Variants in PPFIA4 observed in about 807,000 individuals in gnomAD.
The protein encoded by PPFIA4 is liprin-alpha-4.
In PPFIA4, 98 loss-of-function variants were observed where a neutral mutation model predicts 145.7. That is an observed-to-expected ratio of 0.67 (90% CI 0.57 to 0.80). PPFIA4 has a LOEUF of 0.80. Ranked by LOEUF, PPFIA4 falls within the 30% of genes least tolerant of loss-of-function variation. PPFIA4 has a pLI of 0.00. For synonymous variants in PPFIA4, 628 were observed against 649.6 expected (o/e 0.97, Z 0.51); for missense variants, 1,457 against 1,632.7 (o/e 0.89, Z 1.85).
rs1478102932 is a variant in PPFIA4, at chr1:203,078,656, A to C, written c.*2266A>C. Reference sequence around the variant, plus strand: ...TACTGTATTTGCTCAGTGCATCAGGAATGGGTGTATGGGTGTGTGTGGGTG... The same window carrying C: ...TACTGTATTTGCTCAGTGCATCAGGCATGGGTGTATGGGTGTGTGTGGGTG... On this transcript the variant is annotated 3_prime_UTR_variant, in exon 30 of 30. Coordinates refer to ENST00000295706, the MANE Select transcript of PPFIA4 (RefSeq NM_001304331.2). The C allele has an allele frequency of 3.3e-5, 5 of 151,216 alleles. No individual in the cohort carries two copies. The highest frequency in any genetic ancestry group is 1.2e-4 in the African/African-American group (5 of 40,950). 9.4% of individuals were successfully genotyped at this position (151,216 alleles called of 1,614,324 possible).
At chr1:203,054,833 A>G (rs1238518619) in intron 15 of PPFIA4, among the ~76,000 whole-genome samples, 2 of 152,184 alleles carry the variant, frequency 1.3e-5, no homozygotes, top group African/African-American at 4.8e-5. Context: ...ACATTTTAAC[A>G]TTCCTGAAGT....
Position 203,048,051 on chromosome 1 carries a change from GA to G in PPFIA4, c.1141-174del, listed in dbSNP as rs1485129566. The stretch of plus-strand genomic sequence containing the variant: ...ACCTGGCAGGTATTGAAGTACCTGG[GA>G]AGAAAGGCAATGGGGATGGTGGTCC... On this transcript the variant is annotated intron_variant, in intron 9 of 29. Transcript: ENST00000295706. The surrounding 1 kb of genome is among the most constrained non-coding windows in gnomAD (Gnocchi z 5.8). Among the ~76,000 whole-genome samples the G allele has an allele frequency of 6.6e-6, 1 of 152,202 alleles. No individual in the cohort carries two copies. Among genetic ancestry groups the G allele is most frequent in the African/African-American group, 2.4e-5 (1 of 41,444 alleles).
rs774701889 is a variant in PPFIA4 at position 203,048,276 on chromosome 1, G to C, written c.1190G>C (p.Gly397Ala). Residue 397 changes from glycine to alanine, a missense_variant, in exon 10 of 30, where the codon GGA becomes GCA. Physicochemically the swap from Gly to Ala is moderately conservative, Grantham distance 60. Coordinates refer to ENST00000295706, the MANE Select transcript of PPFIA4 (RefSeq NM_001304331.2). The surrounding 1 kb of genome is among the most constrained non-coding windows in gnomAD (Gnocchi z 5.8). ...GAGGAGCACCTGCGGCAGCTGGAGGGACAGCTGGAGGAGAAGAACCAGGAG... is the reference window on the plus strand; with the variant it reads ...GAGGAGCACCTGCGGCAGCTGGAGGCACAGCTGGAGGAGAAGAACCAGGAG... ...NIEEHLRQLE[G>A]QLEEKNQELA... The C allele has an allele frequency of 6.2e-7, 1 of 1,612,844 alleles. No individual in the cohort carries two copies. Among genetic ancestry groups the C allele is most frequent in the Non-Finnish European group, 8.5e-7 (1 of 1,179,866 alleles).
At chr1:203,067,464 C>A in intron 25 of PPFIA4, 1 of 481,776 alleles carries the variant, frequency 2.1e-6, no homozygotes, top group South Asian at 3.5e-5. Context: ...AATCCATCCC[C>A]AGGCCCGCTC....
Position 203,038,711 on chromosome 1 carries a change from G to C in PPFIA4, c.-298G>C. 1 of 248,520 alleles carries C rather than the reference G, an allele frequency of 4.0e-6. No individual in the cohort carries two copies. Among genetic ancestry groups the C allele is most frequent in the Non-Finnish European group, 7.8e-6 (1 of 128,844 alleles). 15.4% of individuals were successfully genotyped at this position (248,520 alleles called of 1,614,324 possible). On this transcript the variant is annotated 5_prime_UTR_variant, in exon 2 of 30. Transcript: ENST00000295706. ...AGAAGGGCCATCTTCCAGCCCTGCT[G>C]TCCCTGCCTGTCATGGCCACATTCG...
At chr1:203,028,590 T>TATGG (rs1313494084) in intron 1 of PPFIA4, among the ~76,000 whole-genome samples, 1 of 152,038 alleles carries the variant, frequency 6.6e-6, no homozygotes, top group African/African-American at 2.4e-5. Context: ...CTGTGTTGGC[T>TATGG]CCATAGGTGA....
At position 203,038,949 on chromosome 1, in the gene PPFIA4, G is replaced by GCTAAC. The variant is rs1659490318; in HGVS notation, c.-59_-58insTAACC. The stretch of plus-strand genomic sequence containing the variant: ...CCATGCACTGGGTTCCCCTGGAGGT[G>GCTAAC]CCAACCCTGTGAGTCCCTCCCTGTC... On this transcript the variant is annotated 5_prime_UTR_variant, in exon 2 of 30. The change abolishes the stop of an existing upstream ORF in the 5' untranslated region. Transcript: ENST00000295706. 1.1e-6 allele frequency: 1 copy of GCTAAC among 943,482 alleles called. No individual in the cohort carries two copies. The highest frequency in any genetic ancestry group is 2.8e-5 in the Admixed American group (1 of 35,404). 58.4% of individuals were successfully genotyped at this position (943,482 alleles called of 1,614,324 possible).
chr1:203,046,834 T>C (rs904650177), intron 9 of PPFIA4, among the ~76,000 whole-genome samples: 2 of 152,118 alleles, frequency 1.3e-5, no homozygotes, highest in Non-Finnish European at 2.9e-5. Context: ...ACATCTTTGA[T>C]TGCCAAATTG....
At position 203,048,489 on chromosome 1, in the gene PPFIA4, G is replaced by T; in HGVS notation, c.1225-94G>T. 1 of 1,527,170 alleles carries T rather than the reference G, an allele frequency of 6.5e-7. No homozygotes were observed. The highest frequency in any genetic ancestry group is 8.9e-7 in the Non-Finnish European group (1 of 1,128,898). The allele number at this position is 1,527,170 out of a possible 1,614,324, so 94.6% of individuals were successfully genotyped here. ...AGACTGGAGAGAGTGGCTCCCAGAG[G>T]ATGAGAAGAGGACAGGGGAGGGAGT... On this transcript the variant is annotated intron_variant, in intron 10 of 29. Transcript: ENST00000295706. The surrounding 1 kb of genome is among the most constrained non-coding windows in gnomAD (Gnocchi z 5.8).
rs1479201463 is a variant in PPFIA4 at position 203,048,131 on chromosome 1, C to G, written c.1141-96C>G. 6.9e-6 allele frequency: 8 copies of G among 1,165,688 alleles called. No homozygotes were observed. Among genetic ancestry groups the G allele is most frequent in the Non-Finnish European group, 1.0e-5 (8 of 794,498 alleles). The allele number at this position is 1,165,688 out of a possible 1,614,324, so 72.2% of individuals were successfully genotyped here. On this transcript the variant is annotated intron_variant, in intron 9 of 29. Transcript: ENST00000295706. This position sits in a 1 kb window ranked among gnomAD's most constrained non-coding sequence, Gnocchi z 5.8. ...CGTCACTGGTACTGGGGGCCATGAT[C>G]CCCAGGGCCACCCTGGCACCAGGGT...
chr1:203,037,187 TG>T, intron 1 of PPFIA4: 3 of 378,900 alleles, frequency 7.9e-6, no homozygotes, highest in Non-Finnish European at 1.6e-5. Flanking sequence ...ATCAGTACTC[TG>T]GGGAGGGGGT....
Position 203,076,505 on chromosome 1 carries a change from G to C in PPFIA4, c.*115G>C, listed in dbSNP as rs1363911908. 1 of 1,074,180 alleles carries C rather than the reference G, an allele frequency of 9.3e-7. No individual in the cohort carries two copies. The highest frequency in any genetic ancestry group is 1.4e-6 in the Non-Finnish European group (1 of 714,158). The allele number at this position is 1,074,180 out of a possible 1,614,324, so 66.5% of individuals were successfully genotyped here. ...CTCCTAGTCTCGTCCGTGACTTTCC[G>C]GTTGCCCTGGATCTCAGAATATATT... On this transcript the variant is annotated 3_prime_UTR_variant, in exon 30 of 30. Coordinates refer to ENST00000295706, the MANE Select transcript of PPFIA4 (RefSeq NM_001304331.2).
chr1:203,039,365 T>A, intron 2 of PPFIA4, 123 bp downstream of exon 2: 3 of 709,004 alleles, frequency 4.2e-6, no homozygotes, highest in Non-Finnish European at 6.7e-6. Flanking sequence ...ACTGAGCATT[T>A]ACTCTCCTTC....
At position 203,042,120 on chromosome 1, in the gene PPFIA4, G is replaced by A. The variant is rs537653955; in HGVS notation, c.235-1277G>A. 2.6e-5 allele frequency among the ~76,000 whole-genome samples: 4 copies of A among 152,304 alleles called. No homozygotes were observed. The East Asian group carries it at 5.8e-4, about 22-fold the overall frequency. On this transcript the variant is annotated intron_variant, in intron 2 of 29. Coordinates refer to ENST00000295706, the MANE Select transcript of PPFIA4 (RefSeq NM_001304331.2). ...TCCTTGGTGTGTGAGGGAGGCTGCA[G>A]GTTAGGACAGGGATGAGGCCTGTTG... is the stretch of plus-strand genomic sequence containing the variant.
rs1381616582 is a variant in PPFIA4 at position 203,044,014 on chromosome 1, A to T, written c.420A>T (p.Ser140=). 1 of 1,612,204 alleles carries T rather than the reference A, an allele frequency of 6.2e-7. No individual in the cohort carries two copies. The highest frequency in any genetic ancestry group is 8.5e-7 in the Non-Finnish European group (1 of 1,179,678). The change falls in exon 4 of 30, where the codon TCA becomes TCT. Residue 140 remains serine, a synonymous_variant. Coordinates refer to ENST00000295706, the MANE Select transcript of PPFIA4 (RefSeq NM_001304331.2). The part of the protein sequence containing the change: ...RMTVVKRQAQ[S]PSGVSSEVEV... Reference sequence around the variant, plus strand: ...CTGTGGTGAAGCGCCAGGCCCAGTCACCTTCGGGGGTCTCCAGTGAGGTGG... The same window carrying T: ...CTGTGGTGAAGCGCCAGGCCCAGTCTCCTTCGGGGGTCTCCAGTGAGGTGG...
At chr1:203,047,610 C>T (rs1166136704) in intron 9 of PPFIA4, among the ~76,000 whole-genome samples, 1 of 152,176 alleles carries the variant, frequency 6.6e-6, no homozygotes, top group East Asian at 1.9e-4. Context: ...GACTACCCCA[C>T]CTGGGCTGGT....
Position 203,044,490 on chromosome 1 carries a change from G to A in PPFIA4, c.576+37G>A, listed in dbSNP as rs745849748. Reference sequence around the variant, plus strand: ...GCTCACCCTCAGTCTGCAGCTCCTGGAAGTCCAGGCTGGTTCACCCCTGTG... The same window carrying A: ...GCTCACCCTCAGTCTGCAGCTCCTGAAAGTCCAGGCTGGTTCACCCCTGTG... On this transcript the variant is annotated intron_variant, in intron 5 of 29. Coordinates refer to ENST00000295706, the MANE Select transcript of PPFIA4 (RefSeq NM_001304331.2). The A allele has an allele frequency of 3.9e-6, 6 of 1,540,228 alleles. No individual in the cohort carries two copies. The South Asian group carries it at 6.0e-5, about 15-fold the overall frequency.
At position 203,071,688 on chromosome 1, in the gene PPFIA4, G is replaced by C. The variant is rs2270540; in HGVS notation, c.3325-4G>C. The C allele has an allele frequency of 0.61, 980,512 of 1,605,520 alleles. 301,964 individuals carry two copies. The highest frequency in any genetic ancestry group is 0.65 in the South Asian group (58,302 of 90,284). On this transcript the variant is annotated splice_polypyrimidine_tract_variant and splice_region_variant and intron_variant, in intron 27 of 29. Transcript: ENST00000295706. ...CTTTCCCTCTCCTGCTCTATGGACT[G>C]CAGGCACGCCAAGTGATGGAAAGAG... is the stretch of plus-strand genomic sequence containing the variant.
chr1:203,057,029 C>T, intron 19 of PPFIA4, 79 bp downstream of exon 19: 1 of 1,578,552 alleles, frequency 6.3e-7, no homozygotes, highest in African/African-American at 1.3e-5. Context: ...GACTGGCCTT[C>T]TCTGCCTGCG....
Sources: gnomAD v4.1 joint callset for allele counts (sites outside exome capture counted in the v4.1 genomes callset) on GRCh38, gnomAD v4.1.1 for gene constraint, Gnocchi (gnomAD v3.1) non-coding constraint, MANE v1.5 for transcripts, NCBI Gene and HGNC (gene_info 2026-07-23, HGNC 2026-07-21) for gene names.